OR6B1: variants seen among roughly 807,000 people sequenced by gnomAD.
OR6B1 encodes olfactory receptor 6B1.
In OR6B1, 15 loss-of-function variants were observed where a neutral mutation model predicts 15.4. The observed-to-expected ratio is 0.97, with a 90% CI of 0.65 to 1.50. OR6B1 has a LOEUF of 1.50. OR6B1 is among the 40% of genes most tolerant of loss of function. The pLI, the probability that OR6B1 is intolerant of heterozygous loss-of-function variation, is 0.00. For missense variants in OR6B1, 384 were observed against 385.0 expected, an observed-to-expected ratio of 1.00 and a Z score of 0.02; for synonymous variants, 139 against 144.9, an observed-to-expected ratio of 0.96 and a Z score of 0.29.
Position 144,004,834 on chromosome 7 carries a change from A to T in OR6B1, c.838A>T (p.Thr280Ser), listed in dbSNP as rs1349099464. The T allele has an allele frequency of 1.2e-6, 2 of 1,613,474 alleles. No individual in the cohort carries two copies. Among genetic ancestry groups the T allele is most frequent in the African/African-American group, 2.7e-5 (2 of 74,890 alleles). The change falls in exon 2 of 2, where the codon ACT becomes TCT. Residue 280 changes from threonine (T) to serine (S), a missense_variant. Transcript: ENST00000641698. ...KIISIFYAIV[T>S]PSLNPFIYCL... ...TATTTCCATCTTCTATGCCATTGTCACTCCTTCTCTCAACCCTTTCATTTA... is the reference window on the plus strand; with the variant it reads ...TATTTCCATCTTCTATGCCATTGTCTCTCCTTCTCTCAACCCTTTCATTTA...
At chr7:144,001,576 A>G (rs1282126947) in intron 1 of OR6B1, among the ~76,000 whole-genome samples, 1 of 152,208 alleles carries the variant, frequency 6.6e-6, no homozygotes, top group Non-Finnish European at 1.5e-5. Context: ...CAAGAATATA[A>G]TAAGAGGATG....
At chr7:144,003,740 G>T (rs377137501) in intron 1 of OR6B1, among the ~76,000 whole-genome samples, 3 of 148,688 alleles carry the variant, frequency 2.0e-5, no homozygotes, top group Non-Finnish European at 3.0e-5. Flanking sequence ...TCCTCTCCAA[G>T]ACACGATTTC....
rs2050637968 is a variant in OR6B1, at chr7:144,008,248, G to A, written c.*3316G>A. On this transcript the variant is annotated 3_prime_UTR_variant, in exon 2 of 2. Transcript: ENST00000641698. ...AAAGCATGAAAGTATAATAGGAAGT[G>A]CTGCTGGAGATGAGAAATTTTAAAT... The A allele has an allele frequency of 6.6e-6, 1 of 152,246 alleles. No individual in the cohort carries two copies. Among genetic ancestry groups the A allele is most frequent in the Non-Finnish European group, 1.5e-5 (1 of 68,058 alleles). 9.4% of individuals were successfully genotyped at this position (152,246 alleles called of 1,614,324 possible).
Position 144,004,102 on chromosome 7 carries a change from A to G in OR6B1, c.106A>G (p.Ile36Val), listed in dbSNP as rs539079706. 105 of 1,614,088 alleles carry G rather than the reference A, an allele frequency of 6.5e-5. No individual in the cohort carries two copies. Among genetic ancestry groups the G allele is most frequent in the Non-Finnish European group, 1.9e-5 (23 of 1,180,018 alleles). ...AMFLIFLVAY[I>V]LTVAENVIII... is the part of the protein sequence containing the mutation. ...GTTTCTGATATTCCTTGTGGCCTATATTCTGACAGTGGCTGAAAACGTGAT... is the reference window on the plus strand; with the variant it reads ...GTTTCTGATATTCCTTGTGGCCTATGTTCTGACAGTGGCTGAAAACGTGAT... The change falls in exon 2 of 2, where the codon ATT (isoleucine) becomes GTT (valine). Residue 36 changes from isoleucine to valine, a missense_variant. Coordinates refer to ENST00000641698, the MANE Select transcript of OR6B1 (RefSeq NM_001005281.3).
chr7:144,004,842 T>C lies in OR6B1; in HGVS notation c.846T>C (p.Ser282=). Residue 282 remains serine, a synonymous_variant, in exon 2 of 2, where the codon TCT becomes TCC. Transcript: ENST00000641698. ...ISIFYAIVTP[S]LNPFIYCLRN... ...TCTTCTATGCCATTGTCACTCCTTCTCTCAACCCTTTCATTTATTGCCTAA... is the reference window on the plus strand; with the variant it reads ...TCTTCTATGCCATTGTCACTCCTTCCCTCAACCCTTTCATTTATTGCCTAA... 1 of 1,613,604 alleles carries C rather than the reference T, an allele frequency of 6.2e-7. No individual in the cohort carries two copies. Among genetic ancestry groups the C allele is most frequent in the Non-Finnish European group, 8.5e-7 (1 of 1,180,026 alleles).
Position 144,005,578 on chromosome 7 carries a change from A to G in OR6B1, c.*646A>G, listed in dbSNP as rs2050618851. 6.6e-6 allele frequency: 1 copy of G among 152,234 alleles called. No homozygotes were observed. Among genetic ancestry groups the G allele is most frequent in the African/African-American group, 2.4e-5 (1 of 41,460 alleles). 9.4% of individuals were successfully genotyped at this position (152,234 alleles called of 1,614,324 possible). ...TTATATTTCCCTTCTAGGTGCCACAATGTATCCTTTAGTGGATGAACATAA... is the reference window on the plus strand; with the variant it reads ...TTATATTTCCCTTCTAGGTGCCACAGTGTATCCTTTAGTGGATGAACATAA... On this transcript the variant is annotated 3_prime_UTR_variant, in exon 2 of 2. Coordinates refer to ENST00000641698, the MANE Select transcript of OR6B1 (RefSeq NM_001005281.3).
chr7:144,002,211 A>G (rs1044396743), intron 1 of OR6B1, among the ~76,000 whole-genome samples: 5 of 152,198 alleles, frequency 3.3e-5, no homozygotes, highest in South Asian at 2.1e-4. Context: ...TATTTAATCT[A>G]TCTAAACCAC....
In OR6B1 at chr7:144,005,539, C is replaced by T. The variant is rs1656831839; in HGVS notation, c.*607C>T. The stretch of plus-strand genomic sequence containing the variant: ...TCTTCTGATATAACTCACACAGTTG[C>T]CTTTTATTGAATTTTATATTTCCCT... On this transcript the variant is annotated 3_prime_UTR_variant, in exon 2 of 2. Transcript: ENST00000641698. The T allele has an allele frequency of 6.6e-6, 1 of 152,134 alleles. No homozygotes were observed. Among genetic ancestry groups the T allele is most frequent in the Admixed American group, 6.5e-5 (1 of 15,268 alleles). 9.4% of individuals were successfully genotyped at this position (152,134 alleles called of 1,614,324 possible).
rs139085228 is a variant in OR6B1 at position 144,006,647 on chromosome 7, T to C, written c.*1715T>C. On this transcript the variant is annotated 3_prime_UTR_variant, in exon 2 of 2. Coordinates refer to ENST00000641698, the MANE Select transcript of OR6B1 (RefSeq NM_001005281.3). Reference sequence around the variant, plus strand: ...AACTTCAAATGAATCAAAATATAATTGCATAGTCATATAGGGATATTAAAT... The same window carrying C: ...AACTTCAAATGAATCAAAATATAATCGCATAGTCATATAGGGATATTAAAT... The C allele has an allele frequency of 2.4e-3, 360 of 152,298 alleles. 2 individuals are homozygous for C. Among genetic ancestry groups the C allele is most frequent in the African/African-American group, 8.3e-3 (343 of 41,562 alleles). 9.4% of individuals were successfully genotyped at this position (152,298 alleles called of 1,614,324 possible).
intron 1 of OR6B1, among the ~76,000 whole-genome samples, chr7:144,002,901 C>G (rs995011718): frequency 2.6e-5 from 4 of 152,140 alleles, no homozygotes; most frequent in African/African-American, 9.7e-5. Flanking sequence ...CTTCAAAGAG[C>G]TGGGGTCCTA....
chr7:144,004,114 G>A lies in OR6B1; in HGVS notation c.118G>A (p.Ala40Thr). 6.2e-7 allele frequency: 1 copy of A among 1,614,096 alleles called. No individual in the cohort carries two copies. The highest frequency in any genetic ancestry group is 8.5e-7 in the Non-Finnish European group (1 of 1,180,010). ...CCTTGTGGCCTATATTCTGACAGTG[G>A]CTGAAAACGTGATCATCATCCTATT... ...IFLVAYILTV[A>T]ENVIIILLVL... The change falls in exon 2 of 2, where the codon GCT becomes ACT. Residue 40 changes from alanine (A) to threonine (T), a missense_variant. Transcript: ENST00000641698.
In OR6B1 at chr7:144,005,786, G is replaced by T. The variant is rs1035147190; in HGVS notation, c.*854G>T. On this transcript the variant is annotated 3_prime_UTR_variant, in exon 2 of 2. Transcript: ENST00000641698. ...ACACTCAACTCAGAGATAAGTAACA[G>T]GTTTCAGGAATTGACAGAGATTTTC... is the stretch of plus-strand genomic sequence containing the variant. The T allele has an allele frequency of 1.3e-5, 2 of 151,780 alleles. No individual in the cohort carries two copies. The highest frequency in any genetic ancestry group is 2.9e-5 in the Non-Finnish European group (2 of 68,012). 9.4% of individuals were successfully genotyped at this position (151,780 alleles called of 1,614,324 possible).
At chr7:144,002,825 T>A (rs1386853815) in intron 1 of OR6B1, among the ~76,000 whole-genome samples, 1 of 152,098 alleles carries the variant, frequency 6.6e-6, no homozygotes, top group Non-Finnish European at 1.5e-5. Context: ...CTTCCTTGGC[T>A]CCTTTCCCAT....
chr7:144,003,973 A>C lies in OR6B1; in HGVS notation c.-24A>C. The C allele has an allele frequency of 1.9e-6, 3 of 1,540,350 alleles. No homozygotes were observed. Among genetic ancestry groups the C allele is most frequent in the Non-Finnish European group, 2.7e-6 (3 of 1,129,260 alleles). The stretch of plus-strand genomic sequence containing the variant: ...GATCAAATGATTTTTCCTCCCCAGG[A>C]GAGCTAAGCCCTGTGTCTCCAATAT... On this transcript the variant is annotated splice_region_variant and 5_prime_UTR_variant, in exon 2 of 2. Coordinates refer to ENST00000641698, the MANE Select transcript of OR6B1 (RefSeq NM_001005281.3).
chr7:144,000,717 C>T (rs891396246), intron 1 of OR6B1, 67 bp downstream of exon 1: 7 of 152,598 alleles, frequency 4.6e-5, no homozygotes, highest in East Asian at 1.9e-4. Context: ...GCTCCTACAG[C>T]GCAGCAACAT....
At chr7:144,002,261 C>T (rs899017986) in intron 1 of OR6B1, among the ~76,000 whole-genome samples, 1 of 152,164 alleles carries the variant, frequency 6.6e-6, no homozygotes, top group African/African-American at 2.4e-5. Flanking sequence ...GTCTAATTAA[C>T]ATTATTTTGT....
At position 144,003,613 on chromosome 7, in the gene OR6B1, A is replaced by G. The variant is rs760116514; in HGVS notation, c.-25-359A>G. Among the ~76,000 whole-genome samples, 78 of 152,226 alleles carry G rather than the reference A, an allele frequency of 5.1e-4. 1 individual carries two copies. Among genetic ancestry groups the G allele is most frequent in the Non-Finnish European group, 9.9e-4 (67 of 67,996 alleles). The stretch of plus-strand genomic sequence containing the variant: ...AGGAAGGTCAGGTGTATCTTTTGGA[A>G]TTGGCAATTGTTAGGTGTCAGATGG... On this transcript the variant is annotated intron_variant, in intron 1 of 1. Transcript: ENST00000641698.
Position 144,004,345 on chromosome 7 carries a change from G to A in OR6B1, c.349G>A (p.Ala117Thr), listed in dbSNP as rs76575838. The A allele has an allele frequency of 5.8e-3, 9,407 of 1,614,054 alleles. 717 individuals are homozygous for A. The Admixed American group carries it at 0.13, about 23-fold the overall frequency. Residue 117 changes from alanine to threonine, a missense_variant, in exon 2 of 2, where the codon GCC (alanine) becomes ACC (threonine). By Grantham distance (58) the Ala-to-Thr change is moderately conservative (BLOSUM62 0). Coordinates refer to ENST00000641698, the MANE Select transcript of OR6B1 (RefSeq NM_001005281.3). ...GTGCACAGAATGTGTGCTTCTGGCC[G>A]CCATGGCCTATGACCGGTATGTGGC... ...LMCTECVLLA[A>T]MAYDRYVAIC...
chr7:144,004,706 C>T lies in OR6B1; in HGVS notation c.710C>T (p.Ser237Phe). 6.2e-7 allele frequency: 1 copy of T among 1,614,218 alleles called. No individual in the cohort carries two copies. Among genetic ancestry groups the T allele is most frequent in the Non-Finnish European group, 8.5e-7 (1 of 1,180,034 alleles). ...CMPTGKQKAF[S>F]TCASHLVVVT... ...CCCACAGGAAAGCAGAAAGCGTTCT[C>T]CACTTGTGCCTCCCATCTTGTGGTG... Residue 237 changes from serine to phenylalanine, a missense_variant, in exon 2 of 2, where the codon TCC (serine) becomes TTC (phenylalanine). Ser to Phe is a radical substitution (Grantham distance 155). Coordinates refer to ENST00000641698, the MANE Select transcript of OR6B1 (RefSeq NM_001005281.3).
Sources: gnomAD v4.1 joint callset for allele counts (sites outside exome capture counted in the v4.1 genomes callset) on GRCh38, gnomAD v4.1.1 for gene constraint, MANE v1.5 for transcripts, NCBI Gene and HGNC (gene_info 2026-07-23, HGNC 2026-07-21) for gene names.